KLHDC4: variants seen among roughly 807,000 people sequenced by gnomAD.
KLHDC4 encodes the protein kelch domain containing 4.
A neutral mutation model predicts 62.4 loss-of-function variants in KLHDC4; 90 were observed. The ratio of observed to expected loss-of-function variants is 1.44; its 90% CI spans 1.22 to 1.72. KLHDC4 has a LOEUF of 1.72. Ranked by LOEUF, KLHDC4 falls within the 40% of genes most tolerant of loss-of-function variation. The pLI is 0.00. For synonymous variants in KLHDC4, 386 were observed against 284.4 expected (o/e 1.36, Z -3.59); for missense variants, 1,025 against 699.7 (o/e 1.47, Z -5.25).
chr16:87,728,002 A>G (rs2039674797), intron 6 of KLHDC4, among the ~76,000 whole-genome samples: 1 of 152,162 alleles, frequency 6.6e-6, no homozygotes, highest in South Asian at 2.1e-4. Flanking sequence ...CCTGGACAAT[A>G]TGGTGAAACC....
At chr16:87,748,155 G>A (rs1237120717) in intron 5 of KLHDC4, among the ~76,000 whole-genome samples, 2 of 152,204 alleles carry the variant, frequency 1.3e-5, no homozygotes, top group African/African-American at 4.8e-5. Flanking sequence ...TGGTAAACAT[G>A]CATCAGAAAC....
At chr16:87,755,614 T>C (rs993609156) in intron 3 of KLHDC4, 5 of 227,866 alleles carry the variant, frequency 2.2e-5, no homozygotes, top group South Asian at 5.7e-5. Flanking sequence ...TTGCCCACAA[T>C]GGAGTGCAAT....
intron 10 of KLHDC4, among the ~76,000 whole-genome samples, chr16:87,708,994 G>C (rs945369748): frequency 2.0e-5 from 3 of 152,236 alleles, no homozygotes; most frequent in African/African-American, 7.2e-5. Context: ...GCATGCTGTG[G>C]ACGGAGCAGC....
chr16:87,750,477 C>T lies in KLHDC4; in HGVS notation c.370-1668G>A, dbSNP rs549336531. 2.6e-5 allele frequency: 4 copies of T among 152,414 alleles called. No homozygotes were observed. The South Asian group carries it at 8.3e-4, about 32-fold the overall frequency. The allele number at this position is 152,414 out of a possible 1,614,324, so 9.4% of individuals were successfully genotyped here. ...GGTGAAGCCCCATTTCCCAGCTCAG[C>T]CGTGGTCATTGCAGAGTTGGTTCTT... On this transcript the variant is annotated intron_variant, in intron 4 of 11. Transcript: ENST00000270583.
At chr16:87,758,408 A>C (rs2045328044) in intron 2 of KLHDC4, among the ~76,000 whole-genome samples, 1 of 152,244 alleles carries the variant, frequency 6.6e-6, no homozygotes. Context: ...ATGCCACAGA[A>C]CTGATGAACT....
intron 5 of KLHDC4, chr16:87,730,872 C>T (rs2040226863): frequency 2.2e-6 from 1 of 454,032 alleles, no homozygotes; most frequent in Non-Finnish European, 3.9e-6. Flanking sequence ...AGAACATCTC[C>T]AAGACCTTGG....
intron 10 of KLHDC4, among the ~76,000 whole-genome samples, chr16:87,708,721 C>T (rs750952096): frequency 1.3e-5 from 2 of 152,216 alleles, no homozygotes; most frequent in African/African-American, 4.8e-5. Flanking sequence ...CCAACGGGGC[C>T]TCCTGCCACC....
At chr16:87,699,665 C>CTCCA (rs1325539650) in exon 1 of KLHDC4, 3 of 152,482 alleles carry the variant, frequency 2.0e-5, no homozygotes, top group African/African-American at 7.2e-5. Context: ...CGCCACTGCA[C>CTCCA]TCCAGCCTGG....
At position 87,714,480 on chromosome 16, in the gene KLHDC4, G is replaced by A. The variant is rs2036534775; in HGVS notation, c.835+18C>T. 6.2e-7 allele frequency: 1 copy of A among 1,613,932 alleles called. No homozygotes were observed. Among genetic ancestry groups the A allele is most frequent in the South Asian group, 1.1e-5 (1 of 91,072 alleles). ...CACAGACCAGCCAGCTCCCGCCCTG[G>A]AGGCACAGCACCTCTACCTTCTCTT... On this transcript the variant is annotated intron_variant, in intron 8 of 11. Transcript: ENST00000270583.
intron 5 of KLHDC4, among the ~76,000 whole-genome samples, chr16:87,737,891 C>T (rs879710134): frequency 2.6e-5 from 4 of 152,110 alleles, no homozygotes; most frequent in Non-Finnish European, 5.9e-5. Flanking sequence ...GCGCCCAGCC[C>T]AGTCTCTCTA....
chr16:87,709,898 C>G, intron 9 of KLHDC4: 2 of 573,682 alleles, frequency 3.5e-6, no homozygotes, highest in Admixed American at 3.1e-5. Context: ...GGCAGAAAAC[C>G]CCCCACTGCG....
In KLHDC4 at chr16:87,758,154, T is replaced by A. The variant is rs536734174; in HGVS notation, c.192-1677A>T. On this transcript the variant is annotated intron_variant, in intron 2 of 11. Transcript: ENST00000270583. Reference sequence around the variant, plus strand: ...ATTTGCATAGAAACATGTCATAGGCTGGGAATTTCTGCAGGAAAGAAACCA... The same window carrying A: ...ATTTGCATAGAAACATGTCATAGGCAGGGAATTTCTGCAGGAAAGAAACCA... Among the ~76,000 whole-genome samples the A allele has an allele frequency of 2.0e-4, 31 of 152,344 alleles. No individual in the cohort carries two copies. In the South Asian group the frequency reaches 3.5e-3, roughly 17 times the overall value.
chr16:87,730,080 A>C (rs577173463), intron 6 of KLHDC4, among the ~76,000 whole-genome samples: 1 of 152,292 alleles, frequency 6.6e-6, no homozygotes, highest in East Asian at 1.9e-4. Context: ...CAGCCTCCTG[A>C]GTAGCTGAGA....
At chr16:87,752,894 C>T (rs1319233787) in intron 4 of KLHDC4, among the ~76,000 whole-genome samples, 1 of 152,198 alleles carries the variant, frequency 6.6e-6, no homozygotes, top group African/African-American at 2.4e-5. Context: ...GCACCATCAA[C>T]AAGGAAAAAA....
intron 5 of KLHDC4, among the ~76,000 whole-genome samples, chr16:87,736,368 C>T (rs555842756): frequency 6.6e-6 from 1 of 152,268 alleles, no homozygotes; most frequent in African/African-American, 2.4e-5. Context: ...TGAGGCAGCC[C>T]GACAGCAGGA....
At chr16:87,738,509 G>A (rs967497260) in intron 5 of KLHDC4, among the ~76,000 whole-genome samples, 3 of 152,060 alleles carry the variant, frequency 2.0e-5, no homozygotes, top group African/African-American at 7.3e-5. Flanking sequence ...CAACCCAAGT[G>A]CCCAACAGAA....
At chr16:87,736,682 A>G (rs1014163979) in intron 5 of KLHDC4, among the ~76,000 whole-genome samples, 1 of 152,236 alleles carries the variant, frequency 6.6e-6, no homozygotes, top group Non-Finnish European at 1.5e-5. Context: ...CAGGCAACTT[A>G]TAAACCACAC....
At position 87,765,808 on chromosome 16, in the gene KLHDC4, C is replaced by A; in HGVS notation, c.83G>T (p.Arg28Leu). 6.4e-7 allele frequency: 1 copy of A among 1,570,096 alleles called. No homozygotes were observed. The highest frequency in any genetic ancestry group is 8.6e-7 in the Non-Finnish European group (1 of 1,157,322). Reference sequence around the variant, plus strand: ...CCCGCTCACCTCCTCCTTCCGCGAGCGCTTAGACACCTTCTTCTCCATCTT... The same window carrying A: ...CCCGCTCACCTCCTCCTTCCGCGAGAGCTTAGACACCTTCTTCTCCATCTT... ...AAKMEKKVSKRSRKEEEDLEA... is the reference protein window; with the variant it reads ...AAKMEKKVSKLSRKEEEDLEA... The change falls in exon 1 of 12, where the codon CGC (arginine) becomes CTC (leucine). Residue 28 changes from arginine to leucine, a missense_variant. Arg to Leu is a moderately radical substitution (Grantham distance 102). Coordinates refer to ENST00000270583, the MANE Select transcript of KLHDC4 (RefSeq NM_017566.4).
chr16:87,733,202 C>A (rs1264037544), intron 5 of KLHDC4, among the ~76,000 whole-genome samples: 1 of 152,270 alleles, frequency 6.6e-6, no homozygotes, highest in Admixed American at 6.5e-5. Flanking sequence ...CCTAACCCAG[C>A]TTCTACATGG....
Sources: allele counts gnomAD v4.1 joint callset (sites outside exome capture counted in the v4.1 genomes callset), GRCh38; gene constraint gnomAD v4.1.1; transcripts MANE v1.5; gene names NCBI Gene and HGNC (gene_info 2026-07-23, HGNC 2026-07-21).